SLC6A6: variants seen among roughly 807,000 people sequenced by gnomAD.
SLC6A6 encodes solute carrier family 6 member 6.
In SLC6A6, 16 loss-of-function variants were observed where a neutral mutation model predicts 68.8. The observed-to-expected ratio is 0.23, with a 90% CI of 0.16 to 0.35. The LOEUF is 0.35. SLC6A6 is among the 10% of genes least tolerant of loss of function. The pLI is 1.00. For missense variants in SLC6A6, 474 were observed against 802.8 expected (o/e 0.59, Z 4.95); for synonymous variants, 312 against 315.4 (o/e 0.99, Z 0.12).
chr3:14,416,571 C>T (rs1320228778), intron 2 of SLC6A6, 118 bp downstream of exon 2: 1 of 396,358 alleles, frequency 2.5e-6, no homozygotes, highest in East Asian at 3.6e-5. Flanking sequence ...AGACGGGACC[C>T]CTGAGGCCCA....
chr3:14,438,386 CAGCTT>C (rs1699907870), intron 2 of SLC6A6, among the ~76,000 whole-genome samples: 1 of 152,132 alleles, frequency 6.6e-6, no homozygotes, highest in Non-Finnish European at 1.5e-5. Context: ...CTGGGTCACA[CAGCTT>C]AGTCATGGCC....
At chr3:14,435,824 G>A (rs938853638) in intron 2 of SLC6A6, among the ~76,000 whole-genome samples, 5 of 152,240 alleles carry the variant, frequency 3.3e-5, no homozygotes, top group African/African-American at 1.2e-4. Context: ...TTGAGAAGCT[G>A]GAGGATCCAG....
intron 2 of SLC6A6, among the ~76,000 whole-genome samples, chr3:14,439,870 G>A (rs1487913620): frequency 6.6e-6 from 1 of 152,120 alleles, no homozygotes; most frequent in African/African-American, 2.4e-5. Flanking sequence ...AGCCGCAGAG[G>A]GACAGTGGAG....
chr3:14,456,183 G>T (rs1304599303), intron 5 of SLC6A6, among the ~76,000 whole-genome samples: 1 of 152,220 alleles, frequency 6.6e-6, no homozygotes, highest in East Asian at 1.9e-4. Context: ...AACTGAAAAG[G>T]CCTTGGAAAG....
rs757969440 is a variant in SLC6A6, at chr3:14,477,329, C to T, written c.1334C>T (p.Thr445Met). The T allele has an allele frequency of 2.2e-5, 35 of 1,613,942 alleles. No homozygotes were observed. Among genetic ancestry groups the T allele is most frequent in the African/African-American group, 6.7e-5 (5 of 74,934 alleles). ...VCSISYLLGL[T>M]MVTEGGMYVF... The stretch of plus-strand genomic sequence containing the variant: ...AGCATCAGCTACCTGCTGGGGCTGA[C>T]GATGGTGACGGAGGTAGGTGGCTCT... Residue 445 changes from threonine to methionine, a missense_variant, in exon 11 of 15, where the codon ACG (threonine) becomes ATG (methionine). This residue lies in a region of SLC6A6 where 194 missense variants were observed against 269.8 expected (regional missense o/e 0.72). Coordinates refer to ENST00000622186, the MANE Select transcript of SLC6A6 (RefSeq NM_003043.6). The surrounding 1 kb of genome is among the most constrained non-coding windows in gnomAD (Gnocchi z 4.2).
At chr3:14,418,642 T>G (rs1404065337) in intron 2 of SLC6A6, among the ~76,000 whole-genome samples, 1 of 152,234 alleles carries the variant, frequency 6.6e-6, no homozygotes. Flanking sequence ...CTGTGTTAAC[T>G]CTGTCAACCC....
At chr3:14,478,817 T>A in intron 12 of SLC6A6, 1 of 592,164 alleles carries the variant, frequency 1.7e-6, no homozygotes, top group East Asian at 2.8e-5. Flanking sequence ...ATACTCCTTT[T>A]TTATCTCCTT....
intron 2 of SLC6A6, chr3:14,432,578 G>A (rs1218607095): frequency 2.6e-5 from 4 of 152,354 alleles, no homozygotes; most frequent in African/African-American, 9.6e-5. Context: ...CTGCACCCTG[G>A]AGCAGAGCTG....
chr3:14,470,375 C>T (rs1001039929), intron 9 of SLC6A6, among the ~76,000 whole-genome samples: 1 of 152,156 alleles, frequency 6.6e-6, no homozygotes, highest in Non-Finnish European at 1.5e-5. Flanking sequence ...TTTAGCCTAA[C>T]AGAGTGCAAA....
Position 14,447,703 on chromosome 3 carries a change from C to T in SLC6A6, c.486C>T (p.Cys162=). 6.2e-7 allele frequency: 1 copy of T among 1,614,272 alleles called. No homozygotes were observed. The highest frequency in any genetic ancestry group is 1.1e-5 in the South Asian group (1 of 91,090). ...AGAAGGAGCTGCCCTGGGCACACTG[C>T]AACCACAGCTGGAACACACCTCACT... is the stretch of plus-strand genomic sequence containing the variant. ...SFQKELPWAH[C]NHSWNTPHCM... The change falls in exon 5 of 15, where the codon TGC becomes TGT. Residue 162 remains cysteine (C), a synonymous_variant. Coordinates refer to ENST00000622186, the MANE Select transcript of SLC6A6 (RefSeq NM_003043.6).
chr3:14,414,351 T>C (rs1279688282), intron 1 of SLC6A6, among the ~76,000 whole-genome samples: 4 of 152,140 alleles, frequency 2.6e-5, no homozygotes, highest in African/African-American at 9.7e-5. Context: ...CCCCTCTGAT[T>C]GGCTAGGGCT....
In SLC6A6 at chr3:14,450,213, G is replaced by A. The variant is rs1398130462; in HGVS notation, c.599+2397G>A. Among the ~76,000 whole-genome samples, 2 of 152,076 alleles carry A rather than the reference G, an allele frequency of 1.3e-5. No homozygotes were observed. The highest frequency in any genetic ancestry group is 2.9e-5 in the Non-Finnish European group (2 of 68,020). On this transcript the variant is annotated intron_variant, in intron 5 of 14. Coordinates refer to ENST00000622186, the MANE Select transcript of SLC6A6 (RefSeq NM_003043.6). This position sits in a 1 kb window ranked among gnomAD's most constrained non-coding sequence, Gnocchi z 4.1. Reference sequence around the variant, plus strand: ...TGTTGTCTAGGACCCAGGGGTCTTAGAGAGGGAACACTTGGGAGCAATGTG... The same window carrying A: ...TGTTGTCTAGGACCCAGGGGTCTTAAAGAGGGAACACTTGGGAGCAATGTG...
rs1379069246 is a variant in SLC6A6 at position 14,468,339 on chromosome 3, C to CCG, written c.1096+128_1096+129insGC. 1.8e-5 allele frequency: 13 copies of CCG among 735,638 alleles called. No homozygotes were observed. The South Asian group carries it at 2.1e-4, about 12-fold the overall frequency. The allele number at this position is 735,638 out of a possible 1,614,324, so 45.6% of individuals were successfully genotyped here. On this transcript the variant is annotated intron_variant, in intron 9 of 14. Transcript: ENST00000622186. The surrounding 1 kb of genome is among the most constrained non-coding windows in gnomAD (Gnocchi z 4.5). ...CGAGCCTGGTTTCTAAAATGGACCC[C>CCG]CCCCCCGCCACCAAGATATCCCCCA...
chr3:14,412,547 C>T (rs746884816), intron 1 of SLC6A6, among the ~76,000 whole-genome samples: 1 of 152,104 alleles, frequency 6.6e-6, no homozygotes, highest in South Asian at 2.1e-4. Flanking sequence ...GGTGTGGTGG[C>T]ACGCACCTGT....
chr3:14,463,558 C>T (rs1018900898), intron 6 of SLC6A6, among the ~76,000 whole-genome samples: 8 of 152,340 alleles, frequency 5.3e-5, no homozygotes, highest in Admixed American at 2.0e-4. Flanking sequence ...AGCTATTGTT[C>T]GCCAGCCCGG....
In SLC6A6 at chr3:14,439,506, G is replaced by C. The variant is rs559735265; in HGVS notation, c.-11-4118G>C. Reference sequence around the variant, plus strand: ...CTGGCTGTCACCTCTGGAACACAGAGACAAGGAGAATGTTTAGCTGGGCAC... The same window carrying C: ...CTGGCTGTCACCTCTGGAACACAGACACAAGGAGAATGTTTAGCTGGGCAC... On this transcript the variant is annotated intron_variant, in intron 2 of 14. Transcript: ENST00000622186. Among the ~76,000 whole-genome samples the C allele has an allele frequency of 3.9e-5, 6 of 152,366 alleles. 1 individual carries two copies. The South Asian group carries it at 1.2e-3, about 32-fold the overall frequency.
chr3:14,474,572 C>T (rs1459212412), intron 10 of SLC6A6, among the ~76,000 whole-genome samples: 1 of 152,212 alleles, frequency 6.6e-6, no homozygotes, highest in African/African-American at 2.4e-5. Flanking sequence ...GCTTTTTGTA[C>T]ATGAACTCCT....
chr3:14,405,758 T>G (rs1313628857), intron 1 of SLC6A6, among the ~76,000 whole-genome samples: 1 of 152,234 alleles, frequency 6.6e-6, no homozygotes, highest in Non-Finnish European at 1.5e-5. Flanking sequence ...GAGCGCTTTT[T>G]TAATGTGCTT....
At chr3:14,441,925 T>G (rs1326828259) in intron 2 of SLC6A6, among the ~76,000 whole-genome samples, 1 of 152,256 alleles carries the variant, frequency 6.6e-6, no homozygotes, top group Non-Finnish European at 1.5e-5. Context: ...AAGGCAGGTG[T>G]GGTCCTTGTC....
Sources: allele counts gnomAD v4.1 joint callset (sites outside exome capture counted in the v4.1 genomes callset), GRCh38; gene constraint gnomAD v4.1.1; regional missense constraint gnomAD v4.1.1; non-coding constraint Gnocchi (gnomAD v3.1); transcripts MANE v1.5; gene names NCBI Gene and HGNC (gene_info 2026-07-23, HGNC 2026-07-21).